Variants in ZSCAN32 observed in about 807,000 individuals in gnomAD.
ZSCAN32 encodes zinc finger and SCAN domain-containing protein 32.
A neutral mutation model predicts 47.4 loss-of-function variants in ZSCAN32; 52 were observed. The ratio of observed to expected loss-of-function variants is 1.10; its 90% confidence interval spans 0.88 to 1.38. The LOEUF is 1.38. Ranked by LOEUF, ZSCAN32 falls within the 40% of genes most tolerant of loss-of-function variation. The probability of loss-of-function intolerance (pLI) is 0.00; values close to 1 mark genes in which losing one functional copy is unlikely to be tolerated. For missense variants in ZSCAN32, 959 were observed against 846.0 expected, an observed-to-expected ratio of 1.13 and a Z score of -1.66; for synonymous variants, 346 against 305.7, an observed-to-expected ratio of 1.13 and a Z score of -1.38.
At chr16:3,395,983 C>G (rs1015385272) in intron 2 of ZSCAN32, among the ~76,000 whole-genome samples, 2 of 152,106 alleles carry the variant, frequency 1.3e-5, no homozygotes, top group African/African-American at 4.8e-5. Context: ...AAGTGACAGA[C>G]CAAGACCCTT....
chr16:3,386,891 T>C (rs1415446548), intron 5 of ZSCAN32, among the ~76,000 whole-genome samples: 1 of 150,570 alleles, frequency 6.6e-6, no homozygotes, highest in Non-Finnish European at 1.5e-5. Context: ...TGTATACATA[T>C]GTAACTAACC....
At chr16:3,395,545 G>A (rs756607071) in intron 2 of ZSCAN32, among the ~76,000 whole-genome samples, 2 of 152,122 alleles carry the variant, frequency 1.3e-5, no homozygotes. Context: ...TAAGTTTCCT[G>A]AGGCCTCCAC....
chr16:3,395,053 G>A (rs903509063), intron 2 of ZSCAN32, among the ~76,000 whole-genome samples: 3 of 152,174 alleles, frequency 2.0e-5, no homozygotes, highest in African/African-American at 4.8e-5. Flanking sequence ...CATGGACCGC[G>A]GGCTCCAGCA....
In ZSCAN32 at chr16:3,390,083, C is replaced by G; in HGVS notation, c.678G>C (p.Trp226Cys). The G allele has an allele frequency of 1.2e-6, 2 of 1,613,996 alleles. No homozygotes were observed. The highest frequency in any genetic ancestry group is 1.7e-6 in the Non-Finnish European group (2 of 1,179,978). ...NRAVSLCQQE[W>C]MCPGPAQRAL... ...CCCTTTGTGCAGGGCCTGGGCACAT[C>G]CATTCTTGCTGACAGAGGGATACAG... Residue 226 changes from tryptophan (W) to cysteine (C), a missense_variant, in exon 5 of 7, where the codon TGG (tryptophan) becomes TGC (cysteine). By Grantham distance (215) the Trp-to-Cys change is radical (BLOSUM62 -2). Coordinates refer to ENST00000396852, the MANE Select transcript of ZSCAN32 (RefSeq NM_001284527.2).
In ZSCAN32 at chr16:3,382,879, TGA is replaced by T. The variant is rs752736167; in HGVS notation, c.2065_2066del (p.Ser689IlefsTer38). 1.9e-6 allele frequency: 3 copies of T among 1,575,990 alleles called. No individual in the cohort carries two copies. Among genetic ancestry groups the T allele is most frequent in the Non-Finnish European group, 1.7e-6 (2 of 1,158,076 alleles). ...HQTVHMKAVL[S>X]SQEGRDAL The stretch of plus-strand genomic sequence containing the variant: ...ATAACGCATCTCTTCCTTCCTGTGA[TGA>T]GAGTACTGCTTTCATGTGTACTGTC... On this transcript the variant is annotated frameshift_variant, in exon 7 of 7. Coordinates refer to ENST00000396852, the MANE Select transcript of ZSCAN32 (RefSeq NM_001284527.2). LOFTEE classifies it high-confidence loss of function.
intron 5 of ZSCAN32, among the ~76,000 whole-genome samples, chr16:3,385,639 G>GC (rs2031884582): frequency 6.6e-6 from 1 of 152,018 alleles, no homozygotes; most frequent in South Asian, 2.1e-4. Flanking sequence ...AAATAATGCC[G>GC]CATATCTACA....
chr16:3,390,605 G>T, intron 3 of ZSCAN32, 88 bp from the exon 4 acceptor site: 1 of 1,029,592 alleles, frequency 9.7e-7, no homozygotes, highest in Non-Finnish European at 1.4e-6. Context: ...TGGGCCAGCC[G>T]CATCAGCAGC....
In ZSCAN32 at chr16:3,383,290, A is replaced by G; in HGVS notation, c.1656T>C (p.Ser552=). 4 of 1,614,188 alleles carry G rather than the reference A, an allele frequency of 2.5e-6. No homozygotes were observed. The highest frequency in any genetic ancestry group is 1.1e-5 in the South Asian group (1 of 91,082). ...GCTCACTAAAGCCCTTCCCGCACTCACTGCACTTGTGAGGCTTCTCGCCTG... is the reference window on the plus strand; with the variant it reads ...GCTCACTAAAGCCCTTCCCGCACTCGCTGCACTTGTGAGGCTTCTCGCCTG... The part of the protein sequence containing the change: ...IHTGEKPHKC[S]ECGKGFSERS... The change falls in exon 7 of 7, where the codon AGT becomes AGC. Residue 552 remains serine (S), a synonymous_variant. Coordinates refer to ENST00000396852, the MANE Select transcript of ZSCAN32 (RefSeq NM_001284527.2).
intron 3 of ZSCAN32, among the ~76,000 whole-genome samples, chr16:3,392,851 T>G (rs2032885163): frequency 6.6e-6 from 1 of 151,290 alleles, no homozygotes; most frequent in Admixed American, 6.6e-5. Context: ...AAAAAAAGTT[T>G]TCTAAAAAAA....
intron 4 of ZSCAN32, 72 bp downstream of exon 4, chr16:3,390,351 T>C (rs2150887204): frequency 7.0e-7 from 1 of 1,429,508 alleles, no homozygotes; most frequent in South Asian, 1.3e-5. Flanking sequence ...CTTTCTCATG[T>C]CTCTGGAAAG....
At chr16:3,384,312 C>G in intron 6 of ZSCAN32, 147 bp downstream of exon 6, 1 of 1,175,996 alleles carries the variant, frequency 8.5e-7, no homozygotes. Context: ...TAACCTTTAA[C>G]TCCATGAAAA....
Position 3,383,633 on chromosome 16 carries a change from A to G in ZSCAN32, c.1313T>C (p.Leu438Ser), listed in dbSNP as rs1009450401. 3 of 1,612,954 alleles carry G rather than the reference A, an allele frequency of 1.9e-6. No homozygotes were observed. Among genetic ancestry groups the G allele is most frequent in the Non-Finnish European group, 2.5e-6 (3 of 1,180,010 alleles). Reference protein sequence around the residue: ...DSEEVEINKALQRKSRGVYWH... With the variant: ...DSEEVEINKASQRKSRGVYWH... ...ATAAACTCCTCTGGACTTTCTCTGT[A>G]AAGCCTTGTTTATTTCTACTTCCTC... Residue 438 changes from leucine (L) to serine (S), a missense_variant, in exon 7 of 7, where the codon TTA (leucine) becomes TCA (serine). Transcript: ENST00000396852.
rs78984889 is a variant in ZSCAN32 at position 3,397,695 on chromosome 16, C to A, written c.-138G>T. On this transcript the variant is annotated 5_prime_UTR_variant, in exon 2 of 7. It removes an upstream start codon present in the reference 5' UTR. Coordinates refer to ENST00000396852, the MANE Select transcript of ZSCAN32 (RefSeq NM_001284527.2). The stretch of plus-strand genomic sequence containing the variant: ...ATCCGTGGGACATGAGAGTGTCAGA[C>A]ATGTGTAGAGACTCACAGCGGAAAA... The A allele has an allele frequency of 6.9e-4, 818 of 1,186,334 alleles. 7 individuals are homozygous for A. The African/African-American group carries it at 0.011, about 16-fold the overall frequency. 73.5% of individuals were successfully genotyped at this position (1,186,334 alleles called of 1,614,324 possible).
intron 2 of ZSCAN32, among the ~76,000 whole-genome samples, chr16:3,395,242 A>G (rs2033258425): frequency 6.6e-6 from 1 of 152,168 alleles, no homozygotes; most frequent in Non-Finnish European, 1.5e-5. Context: ...AAATTATATC[A>G]ACCTCTATTA....
chr16:3,398,068 C>T (rs368376069), intron 1 of ZSCAN32, among the ~76,000 whole-genome samples: 1 of 152,144 alleles, frequency 6.6e-6, no homozygotes, highest in South Asian at 2.1e-4. Flanking sequence ...ATAACCCTTC[C>T]CAAAACTAAA....
At position 3,383,113 on chromosome 16, in the gene ZSCAN32, T is replaced by A. The variant is rs2031438330; in HGVS notation, c.1833A>T (p.Gly611=). Residue 611 remains glycine (G), a synonymous_variant, in exon 7 of 7, where the codon GGA becomes GGT. Transcript: ENST00000396852. ...GEKPYQCIVC[G]KRFNNSSQFS... The stretch of plus-strand genomic sequence containing the variant: ...ACTGGGAACTGTTGTTGAATCTCTT[T>A]CCACAGACAATGCACTGGTAAGGCT... The A allele has an allele frequency of 2.5e-6, 4 of 1,614,186 alleles. No individual in the cohort carries two copies. Among genetic ancestry groups the A allele is most frequent in the Non-Finnish European group, 3.4e-6 (4 of 1,180,030 alleles).
intron 5 of ZSCAN32, among the ~76,000 whole-genome samples, chr16:3,386,373 G>A (rs562352503): frequency 6.6e-6 from 1 of 152,168 alleles, no homozygotes. Flanking sequence ...CATTGTGGAA[G>A]TCAGTGTCGC....
Position 3,383,418 on chromosome 16 carries a change from G to A in ZSCAN32, c.1528C>T (p.Pro510Ser). The change falls in exon 7 of 7, where the codon CCC (proline) becomes TCC (serine). Residue 510 changes from proline to serine, a missense_variant. Coordinates refer to ENST00000396852, the MANE Select transcript of ZSCAN32 (RefSeq NM_001284527.2). ...TCCAGTTTGAGCGCTGGCTTGTGGG[G>A]AGAGTGCACACTCTGAGAGCAGTTT... Reference protein sequence around the residue: ...GKNCSQSVHSPHKPALKLEKV... With the variant: ...GKNCSQSVHSSHKPALKLEKV... 6.2e-7 allele frequency: 1 copy of A among 1,614,186 alleles called. No homozygotes were observed. The highest frequency in any genetic ancestry group is 8.5e-7 in the Non-Finnish European group (1 of 1,180,024).
At chr16:3,398,611 G>C (rs2033597077) in intron 1 of ZSCAN32, among the ~76,000 whole-genome samples, 2 of 152,110 alleles carry the variant, frequency 1.3e-5, no homozygotes, top group South Asian at 2.1e-4. Flanking sequence ...TCTTCTCCCA[G>C]CCAAGATTCT....
Sources: allele counts gnomAD v4.1 joint callset (sites outside exome capture counted in the v4.1 genomes callset), GRCh38; gene constraint gnomAD v4.1.1; transcripts MANE v1.5; gene names NCBI Gene and HGNC (gene_info 2026-07-23, HGNC 2026-07-21).